STAG2: variants seen among roughly 807,000 people sequenced by gnomAD.
STAG2 encodes the protein cohesin subunit SA-2.
A neutral mutation model predicts 108.1 loss-of-function variants in STAG2; 14 were observed. The ratio of observed to expected loss-of-function variants is 0.13; its 90% CI spans 0.09 to 0.20. The LOEUF is 0.20. Ranked by LOEUF, STAG2 falls within the 10% of genes least tolerant of loss-of-function variation. The pLI, the probability that STAG2 is intolerant of heterozygous loss-of-function variation, is 1.00. For missense variants in STAG2, 440 were observed against 940.9 expected (o/e 0.47, Z 6.96); for synonymous variants, 307 against 302.7 (o/e 1.01, Z -0.15).
intron 1 of STAG2, among the ~76,000 whole-genome samples, chrX:124,015,477 C>G (rs186098301): frequency 8.3e-5 from 9 of 107,931 alleles, no homozygotes; most frequent in African/African-American, 3.1e-4. Context: ...CTCTGTCCCC[C>G]GGGTTCAAGC....
At chrX:124,063,761 AT>A in intron 19 of STAG2, 86 bp from the exon 20 acceptor site, 1 of 812,568 alleles carries the variant, frequency 1.2e-6, no homozygotes, top group Non-Finnish European at 1.8e-6. Context: ...GTATTTGAAA[AT>A]TTTTTCCATG....
intron 21 of STAG2, 53 bp downstream of exon 21, chrX:124,065,999 C>T (rs1449105976): frequency 2.8e-6 from 3 of 1,053,048 alleles, no homozygotes; most frequent in South Asian, 2.3e-5. Context: ...AATAAACTTG[C>T]ATGTTTTGTG....
intron 15 of STAG2, 128 bp downstream of exon 15, chrX:124,058,105 TC>T: frequency 4.5e-6 from 1 of 221,355 alleles, no homozygotes. Flanking sequence ...AGCCACCCAC[TC>T]CCCCACTCCC....
Position 124,061,768 on chromosome X carries a change from T to TTTTG in STAG2, c.1535-3_1535-2insTTTG. On this transcript the variant is annotated splice_polypyrimidine_tract_variant and splice_region_variant and intron_variant, in intron 16 of 34. Transcript: ENST00000371145. ...CTTTTTTTTTTTTTTTTTTTTTTTT[T>TTTTG]AGCACTAACAGATAGGCAAGAGAGT... 2.2e-6 allele frequency: 2 copies of TTTTG among 895,475 alleles called. No homozygotes were observed. The highest frequency in any genetic ancestry group is 1.5e-6 in the Non-Finnish European group (1 of 660,449). 73.8% of individuals were successfully genotyped at this position (895,475 alleles called of 1,213,427 possible).
intron 1 of STAG2, among the ~76,000 whole-genome samples, chrX:123,965,342 A>G (rs775332332): frequency 8.9e-6 from 1 of 111,975 alleles, no homozygotes; most frequent in Admixed American, 9.5e-5. Context: ...ACTTTCAAGT[A>G]TATTTAGTTA....
chrX:124,046,932 C>G lies in STAG2; in HGVS notation c.668-422C>G, dbSNP rs748889711. On this transcript the variant is annotated intron_variant, in intron 8 of 34. Coordinates refer to ENST00000371145, the MANE Select transcript of STAG2 (RefSeq NM_001042750.2). ...TAATTACTGAATAGCTAAATAACTT[C>G]TGTGTGAACTAAAATTTACTTTAGA... Among the ~76,000 whole-genome samples the G allele has an allele frequency of 1.4e-4, 16 of 111,528 alleles. No individual in the cohort carries two copies. In the South Asian group the frequency reaches 5.9e-3, roughly 41 times the overall value.
chrX:123,993,833 A>G (rs1249729748), intron 1 of STAG2, among the ~76,000 whole-genome samples: 1 of 111,606 alleles, frequency 9.0e-6, no homozygotes, highest in Non-Finnish European at 1.9e-5. Context: ...AACATTTTAT[A>G]TGATTTTTAT....
At chrX:124,003,539 A>G (rs1182228100) in intron 1 of STAG2, 1 of 110,087 alleles carries the variant, frequency 9.1e-6, no homozygotes, top group Non-Finnish European at 1.9e-5. Flanking sequence ...CTCCTGCCTC[A>G]GCCTCCCGAG....
chrX:124,013,320 C>A (rs1243935411), intron 1 of STAG2, among the ~76,000 whole-genome samples: 1 of 96,952 alleles, frequency 1.0e-5, no homozygotes, highest in African/African-American at 3.7e-5. Context: ...CACACACACA[C>A]ACAAACACAC....
chrX:124,036,303 T>C (rs2057514775), intron 5 of STAG2, among the ~76,000 whole-genome samples: 1 of 112,380 alleles, frequency 8.9e-6, no homozygotes, highest in South Asian at 3.6e-4. Flanking sequence ...CTCCCAACCT[T>C]TTGTTTTTTA....
chrX:123,998,612 ATCT>A (rs2055874997), intron 1 of STAG2, among the ~76,000 whole-genome samples: 1 of 106,474 alleles, frequency 9.4e-6, no homozygotes. Flanking sequence ...CTATCTATCT[ATCT>A]ATCTATCTAT....
In STAG2 at chrX:124,068,577, G is replaced by A. The variant is rs754256233; in HGVS notation, c.2279G>A (p.Arg760His). The part of the protein sequence containing the change: ...ESSSTKEDLL[R>H]LKKQMRVFCQ... ...AATTTTTTCAAGGAGGACTTGCTGC[G>A]TTTAAAGAAACAAATGAGAGTATTT... The change falls in exon 24 of 35, where the codon CGT (arginine) becomes CAT (histidine). Residue 760 changes from arginine (R) to histidine (H), a missense_variant. By Grantham distance (29) the Arg-to-His change is conservative. Coordinates refer to ENST00000371145, the MANE Select transcript of STAG2 (RefSeq NM_001042750.2). 7 of 1,185,632 alleles carry A rather than the reference G, an allele frequency of 5.9e-6. No homozygotes were observed. The highest frequency in any genetic ancestry group is 5.3e-5 in the African/African-American group (3 of 56,076).
In STAG2 at chrX:124,047,490, A is replaced by G; in HGVS notation, c.804A>G (p.Leu268=). Residue 268 remains leucine (L), a synonymous_variant, in exon 9 of 35, where the codon CTA becomes CTG. Coordinates refer to ENST00000371145, the MANE Select transcript of STAG2 (RefSeq NM_001042750.2). ...KRANERLELL[L]QKRKELQENQ... The stretch of plus-strand genomic sequence containing the variant: ...CCAATGAGAGGCTAGAACTCCTGCT[A>G]CAAAAGCGGAAAGAGGTAAACTTTT... The G allele has an allele frequency of 8.3e-7, 1 of 1,207,465 alleles. No homozygotes were observed. The highest frequency in any genetic ancestry group is 1.1e-6 in the Non-Finnish European group (1 of 893,881).
At chrX:124,074,349 T>A (rs2058748417) in intron 25 of STAG2, among the ~76,000 whole-genome samples, 1 of 112,905 alleles carries the variant, frequency 8.9e-6, no homozygotes, top group Admixed American at 9.4e-5. Flanking sequence ...TTTTTAGACA[T>A]TTAGGTTATT....
chrX:124,040,945 C>T (rs760851537), intron 6 of STAG2, among the ~76,000 whole-genome samples: 3 of 98,803 alleles, frequency 3.0e-5, no homozygotes, highest in African/African-American at 1.1e-4. Flanking sequence ...ACTGCAACCT[C>T]TGCCTCCCAG....
At chrX:124,062,405 CAA>C (rs1383993643) in intron 17 of STAG2, among the ~76,000 whole-genome samples, 1 of 111,963 alleles carries the variant, frequency 8.9e-6, no homozygotes, top group Non-Finnish European at 1.9e-5. Context: ...ATAACTGAAA[CAA>C]AATTTTATCA....
At chrX:123,974,056 T>C (rs2054502384) in intron 1 of STAG2, among the ~76,000 whole-genome samples, 1 of 110,193 alleles carries the variant, frequency 9.1e-6, no homozygotes, top group Non-Finnish European at 1.9e-5. Context: ...GTTCCTAATG[T>C]GAGATTAGTG....
At chrX:124,022,298 G>A (rs2147999251) in intron 2 of STAG2, among the ~76,000 whole-genome samples, 1 of 109,550 alleles carries the variant, frequency 9.1e-6, no homozygotes, top group East Asian at 2.9e-4. Context: ...TTGAACCTGG[G>A]AGGCAGAGGT....
rs774303542 is a variant in STAG2, at chrX:124,023,701, T to C, written c.44+1030T>C. Among the ~76,000 whole-genome samples, 171 of 112,019 alleles carry C rather than the reference T, an allele frequency of 1.5e-3. 3 individuals are homozygous for C. Among genetic ancestry groups the C allele is most frequent in the Non-Finnish European group, 9.2e-4 (49 of 53,217 alleles). ...TTTATGAGTTCATATTTTAAAGATA[T>C]AAAGAGAAGATTATGAAGTTTCTTA... On this transcript the variant is annotated intron_variant, in intron 3 of 34. Transcript: ENST00000371145.
Sources: allele counts gnomAD v4.1 joint callset (sites outside exome capture counted in the v4.1 genomes callset), GRCh38; gene constraint gnomAD v4.1.1; transcripts MANE v1.5; gene names NCBI Gene and HGNC (gene_info 2026-07-23, HGNC 2026-07-21).